The following PIK3C2G variants were observed in gnomAD, a reference collection of about 807,000 sequenced individuals.
PIK3C2G encodes the protein phosphatidylinositol 3-kinase C2 domain-containing subunit gamma.
In PIK3C2G, 168 loss-of-function variants were observed where a neutral mutation model predicts 181.1. That is an observed-to-expected ratio of 0.93 (90% CI 0.82 to 1.05). PIK3C2G has a LOEUF of 1.05. Ranked by LOEUF, PIK3C2G falls within the 50% of genes least tolerant of loss-of-function variation. The pLI, the probability that PIK3C2G is intolerant of heterozygous loss-of-function variation, is 0.00. For synonymous variants in PIK3C2G, 573 were observed against 592.2 expected, an observed-to-expected ratio of 0.97 and a Z score of 0.47; for missense variants, 1,869 against 1,732.8, an observed-to-expected ratio of 1.08 and a Z score of -1.40.
chr12:18,264,104 A>G (rs915688404), intron 1 of PIK3C2G, among the ~76,000 whole-genome samples: 1 of 152,108 alleles, frequency 6.6e-6, no homozygotes, highest in African/African-American at 2.4e-5. Flanking sequence ...TAGAAAATAT[A>G]CCCTCTATTA....
chr12:18,648,654 A>G (rs1186133700), downstream of PIK3C2G, among the ~76,000 whole-genome samples: 1 of 152,094 alleles, frequency 6.6e-6, no homozygotes, highest in Non-Finnish European at 1.5e-5. Context: ...TCTGCCACCC[A>G]GAGGCACGAT....
At chr12:18,699,443 C>T in the PIK3C2G span, among the ~76,000 whole-genome samples, 3 of 152,158 alleles carry the variant, frequency 2.0e-5, no homozygotes, top group South Asian at 2.1e-4. Context: ...TGCGCACCTT[C>T]GCTTCCAGGA....
intron 26 of PIK3C2G, among the ~76,000 whole-genome samples, chr12:18,557,168 A>T (rs868297503): frequency 2.6e-5 from 4 of 152,144 alleles, no homozygotes; most frequent in African/African-American, 9.7e-5. Flanking sequence ...TCAAAAGTTA[A>T]AAATGATAAG....
At chr12:18,537,274 C>G (rs997817770) in intron 24 of PIK3C2G, among the ~76,000 whole-genome samples, 2 of 152,084 alleles carry the variant, frequency 1.3e-5, no homozygotes, top group Non-Finnish European at 2.9e-5. Context: ...TAATCCATGA[C>G]TTTTTAAATT....
chr12:18,314,375 T>C (rs1950771121), intron 6 of PIK3C2G, among the ~76,000 whole-genome samples: 1 of 152,086 alleles, frequency 6.6e-6, no homozygotes, highest in African/African-American at 2.4e-5. Context: ...GGGAGGTATT[T>C]AGGTTTAGAT....
At chr12:18,338,659 GTA>G (rs1196369302) in intron 9 of PIK3C2G, 111 bp downstream of exon 9, 3 of 692,044 alleles carry the variant, frequency 4.3e-6, no homozygotes, top group East Asian at 2.6e-5. Flanking sequence ...ATGTTTGTGT[GTA>G]TCTGTGTGTG....
chr12:18,520,154 T>A (rs1423435791), intron 24 of PIK3C2G, among the ~76,000 whole-genome samples: 3 of 152,144 alleles, frequency 2.0e-5, no homozygotes, highest in African/African-American at 7.2e-5. Flanking sequence ...TTAACATTTT[T>A]TCCTTCATTT....
intron 30 of PIK3C2G, among the ~76,000 whole-genome samples, chr12:18,599,457 A>G (rs552767838): frequency 6.7e-6 from 1 of 150,136 alleles, no homozygotes; most frequent in African/African-American, 2.4e-5. Context: ...ATGAGAACAC[A>G]TGGACACAGG....
the PIK3C2G span, among the ~76,000 whole-genome samples, chr12:18,698,872 T>A: frequency 7.2e-5 from 11 of 152,154 alleles, no homozygotes; most frequent in Non-Finnish European, 1.5e-4. Context: ...TATGTCTTAT[T>A]CATTCTAACT....
chr12:18,677,463 G>C, the PIK3C2G span, among the ~76,000 whole-genome samples: 1 of 152,050 alleles, frequency 6.6e-6, no homozygotes, highest in Non-Finnish European at 1.5e-5. Flanking sequence ...TTAGAAGGCA[G>C]ACTGCTTGGC....
chr12:18,709,471 C>T, the PIK3C2G span, among the ~76,000 whole-genome samples: 8,943 of 152,038 alleles, frequency 0.059, 288 homozygotes, highest in Middle Eastern at 0.085. Flanking sequence ...ACTTTGTTTT[C>T]ATTTCTCAGA....
intron 8 of PIK3C2G, among the ~76,000 whole-genome samples, chr12:18,332,528 T>C (rs1938084001): frequency 6.6e-6 from 1 of 152,078 alleles, no homozygotes; most frequent in African/African-American, 2.4e-5. Context: ...AGTTTATTGC[T>C]CCTTATCCCT....
chr12:18,370,847 T>G (rs1942004884), intron 12 of PIK3C2G, among the ~76,000 whole-genome samples: 2 of 152,164 alleles, frequency 1.3e-5, no homozygotes, highest in African/African-American at 4.8e-5. Context: ...ATTTCCTGCC[T>G]CCTCCAACTC....
chr12:18,282,752 A>C lies in PIK3C2G; in HGVS notation c.671A>C (p.Asn224Thr). Residue 224 changes from asparagine to threonine, a missense_variant, in exon 2 of 33, where the codon AAT becomes ACT. Transcript: ENST00000538779. ...ATGTGGGAAAGTACATGGCAGAAGA[A>C]TATAGAGGTAAGTATAATACATGTC... The part of the protein sequence containing the change: ...PGMWESTWQK[N>T]IESIGCSIQL... 3.8e-6 allele frequency: 6 copies of C among 1,586,254 alleles called. No homozygotes were observed. Among genetic ancestry groups the C allele is most frequent in the Non-Finnish European group, 5.2e-6 (6 of 1,164,394 alleles).
chr12:18,332,268 A>C (rs1277033952), intron 8 of PIK3C2G, among the ~76,000 whole-genome samples: 1 of 152,070 alleles, frequency 6.6e-6, no homozygotes, highest in African/African-American at 2.4e-5. Flanking sequence ...GTCTGTGCCA[A>C]AGAGACAGTC....
the PIK3C2G span, chr12:18,683,284 G>A: frequency 1.2e-6 from 2 of 1,612,562 alleles, no homozygotes; most frequent in Non-Finnish European, 1.7e-6. Context: ...CAGGCTCAAG[G>A]CTCTCACCCA....
intron 16 of PIK3C2G, among the ~76,000 whole-genome samples, chr12:18,414,981 C>T (rs561395063): frequency 1.4e-3 from 212 of 152,268 alleles, no homozygotes; most frequent in African/African-American, 5.0e-3. Context: ...AATAAATAAA[C>T]AGAGACATCC....
Position 18,248,576 on chromosome 12 carries a change from AAAC to A in PIK3C2G, c.-79+524_-79+526del, listed in dbSNP as rs139110088. On this transcript the variant is annotated intron_variant, in intron 1 of 11. Coordinates refer to the PIK3C2G transcript ENST00000535651. ...ACAGAGCGAGACTCCATCTCAAACA[AAAC>A]AACAACAACAACAACAACAACAACA... Among the ~76,000 whole-genome samples, 130 of 151,408 alleles carry A rather than the reference AAAC, an allele frequency of 8.6e-4. 1 individual carries two copies. The highest frequency in any genetic ancestry group is 1.6e-3 in the African/African-American group (66 of 41,272).
chr12:18,719,642 T>A, the PIK3C2G span: 3 of 1,547,826 alleles, frequency 1.9e-6, no homozygotes, highest in African/African-American at 4.3e-5. Flanking sequence ...ACTAAAAAAA[T>A]AAAATAAAAT....
Sources: gnomAD v4.1 joint callset for allele counts (sites outside exome capture counted in the v4.1 genomes callset) on GRCh38, gnomAD v4.1.1 for gene constraint, MANE v1.5 for transcripts, NCBI Gene and HGNC (gene_info 2026-07-23, HGNC 2026-07-21) for gene names.